The following CNTN5 variants were observed in gnomAD, a reference collection of about 807,000 sequenced individuals.
The protein encoded by CNTN5 is contactin-5.
A neutral mutation model predicts 129.1 loss-of-function variants in CNTN5; 77 were observed. The ratio of observed to expected loss-of-function variants is 0.60; its 90% CI spans 0.50 to 0.72. The LOEUF is 0.72. Ranked by LOEUF, CNTN5 falls within the 30% of genes least tolerant of loss-of-function variation. CNTN5 has a pLI of 0.00. For synonymous variants in CNTN5, 509 were observed against 465.6 expected, an observed-to-expected ratio of 1.09 and a Z score of -1.20; for missense variants, 1,478 against 1,328.8, an observed-to-expected ratio of 1.11 and a Z score of -1.75.
At chr11:100,203,201 T>A (rs1032820195) in intron 15 of CNTN5, among the ~76,000 whole-genome samples, 2 of 152,078 alleles carry the variant, frequency 1.3e-5, no homozygotes, top group African/African-American at 2.4e-5. Context: ...CTACTACACT[T>A]GCCTCTTCAG....
At chr11:100,158,580 T>G (rs895450354) in intron 13 of CNTN5, among the ~76,000 whole-genome samples, 3 of 151,834 alleles carry the variant, frequency 2.0e-5, no homozygotes, top group Non-Finnish European at 2.9e-5. Flanking sequence ...GAAACTTCAA[T>G]AGAAGAAGTG....
At chr11:99,845,060 A>T (rs200415689) in intron 5 of CNTN5, 27 bp from the exon 6 acceptor site, 1 of 1,611,960 alleles carries the variant, frequency 6.2e-7, no homozygotes, top group East Asian at 2.2e-5. Context: ...AGGATTATAC[A>T]TATTTGTCTT....
intron 17 of CNTN5, among the ~76,000 whole-genome samples, chr11:100,267,892 A>T (rs1462600596): frequency 6.6e-6 from 1 of 152,148 alleles, no homozygotes; most frequent in African/African-American, 2.4e-5. Context: ...TGATTGAGAG[A>T]TGATGGTGCT....
chr11:99,058,733 T>C (rs1449690517), intron 1 of CNTN5, among the ~76,000 whole-genome samples: 2 of 151,634 alleles, frequency 1.3e-5, no homozygotes, highest in African/African-American at 4.8e-5. Flanking sequence ...AAGTCTTCCT[T>C]CATTGTCATT....
intron 1 of CNTN5, among the ~76,000 whole-genome samples, chr11:99,296,660 G>T (rs1314869685): frequency 6.6e-6 from 1 of 152,138 alleles, no homozygotes; most frequent in African/African-American, 2.4e-5. Flanking sequence ...TGGAGCCCTT[G>T]GAAAAACAGG....
chr11:100,275,191 G>A (rs1454344991), intron 18 of CNTN5, among the ~76,000 whole-genome samples: 1 of 151,838 alleles, frequency 6.6e-6, no homozygotes, highest in Non-Finnish European at 1.5e-5. Context: ...ATTATAAGTT[G>A]TTTTTTTCTG....
At chr11:99,532,876 C>G (rs2135473012) in intron 2 of CNTN5, among the ~76,000 whole-genome samples, 1 of 152,266 alleles carries the variant, frequency 6.6e-6, no homozygotes, top group South Asian at 2.1e-4. Context: ...AGGTATTTAA[C>G]CAGTATACAC....
chr11:99,067,424 TA>T (rs11330416), intron 1 of CNTN5, among the ~76,000 whole-genome samples: 80,548 of 135,482 alleles, frequency 0.59, 22,769 homozygotes, highest in African/African-American at 0.69. Context: ...CAATGTTGAC[TA>T]AAAAAAAAAA....
chr11:100,183,141 G>A (rs1240629638), intron 13 of CNTN5, among the ~76,000 whole-genome samples: 1 of 152,120 alleles, frequency 6.6e-6, no homozygotes, highest in African/African-American at 2.4e-5. Flanking sequence ...CTCATACACT[G>A]CTGGTAGGAA....
intron 9 of CNTN5, among the ~76,000 whole-genome samples, chr11:100,037,786 T>A (rs1341426406): frequency 2.0e-5 from 3 of 152,134 alleles, no homozygotes; most frequent in East Asian, 3.9e-4. Flanking sequence ...CTGATGGTAG[T>A]TTGTATATCT....
chr11:99,662,580 T>C (rs947838809), intron 3 of CNTN5, among the ~76,000 whole-genome samples: 1 of 152,184 alleles, frequency 6.6e-6, no homozygotes, highest in Non-Finnish European at 1.5e-5. Context: ...TTCAAAATTT[T>C]TAAAGGAATA....
At chr11:100,138,242 C>G (rs1946585835) in intron 13 of CNTN5, among the ~76,000 whole-genome samples, 1 of 119,796 alleles carries the variant, frequency 8.3e-6, no homozygotes. Flanking sequence ...ATAGTCCTGG[C>G]ACTAAGGAAA....
chr11:100,245,952 A>G (rs1437090261), intron 16 of CNTN5, among the ~76,000 whole-genome samples: 1 of 152,140 alleles, frequency 6.6e-6, no homozygotes, highest in African/African-American at 2.4e-5. Flanking sequence ...TACTTGATAG[A>G]TGAGCATTAA....
intron 15 of CNTN5, among the ~76,000 whole-genome samples, chr11:100,210,333 G>A (rs1949004537): frequency 6.8e-6 from 1 of 146,924 alleles, no homozygotes; most frequent in Non-Finnish European, 1.5e-5. Context: ...CTGGGTGACA[G>A]GGCGAGACTA....
At chr11:100,212,534 T>C (rs1381313721) in intron 15 of CNTN5, among the ~76,000 whole-genome samples, 1 of 152,174 alleles carries the variant, frequency 6.6e-6, no homozygotes, top group Non-Finnish European at 1.5e-5. Context: ...CTAATTACAT[T>C]ACTGCATTAC....
At chr11:99,642,470 A>G (rs1951805989) in intron 3 of CNTN5, among the ~76,000 whole-genome samples, 1 of 152,066 alleles carries the variant, frequency 6.6e-6, no homozygotes, top group African/African-American at 2.4e-5. Context: ...TTTACTTTGT[A>G]TTTTGTCATT....
intron 3 of CNTN5, among the ~76,000 whole-genome samples, chr11:99,795,005 C>T (rs531154833): frequency 6.6e-6 from 1 of 152,282 alleles, no homozygotes; most frequent in East Asian, 1.9e-4. Context: ...GGAGGATATC[C>T]TCAAATATGT....
chr11:100,178,481 T>C (rs1948036833), intron 13 of CNTN5, among the ~76,000 whole-genome samples: 1 of 152,170 alleles, frequency 6.6e-6, no homozygotes, highest in African/African-American at 2.4e-5. Flanking sequence ...ATACATAATT[T>C]TAACATTCTG....
intron 15 of CNTN5, 90 bp downstream of exon 15, chr11:100,193,753 G>T (rs878967129): frequency 9.0e-6 from 7 of 776,808 alleles, no homozygotes; most frequent in Non-Finnish European, 1.1e-5. Context: ...GAAGTGCTAA[G>T]AAAAAAAAAA....
Sources: gnomAD v4.1 joint callset for allele counts (sites outside exome capture counted in the v4.1 genomes callset) on GRCh38, gnomAD v4.1.1 for gene constraint, MANE v1.5 for transcripts, NCBI Gene and HGNC (gene_info 2026-07-23, HGNC 2026-07-21) for gene names.